The following FGGY variants were observed in gnomAD, a reference collection of about 807,000 sequenced individuals.
FGGY encodes the protein FGGY carbohydrate kinase domain containing, also known as FGGY carbohydrate kinase domain-containing protein.
In FGGY, 72 loss-of-function variants were observed where a neutral mutation model predicts 71.3. The observed-to-expected ratio is 1.01, with a 90% confidence interval of 0.84 to 1.23. FGGY has a LOEUF of 1.23. Ranked by LOEUF, FGGY falls within the 50% of genes most tolerant of loss-of-function variation. The pLI is 0.00. For synonymous variants in FGGY, 251 were observed against 250.3 expected, an observed-to-expected ratio of 1.00 and a Z score of -0.02; for missense variants, 668 against 682.3, an observed-to-expected ratio of 0.98 and a Z score of 0.23.
chr1:59,434,186 A>T (rs2067952671), intron 5 of FGGY, among the ~76,000 whole-genome samples: 1 of 152,196 alleles, frequency 6.6e-6, no homozygotes, highest in South Asian at 2.1e-4. Flanking sequence ...GTTCATGGGC[A>T]CCAAATTGTA....
intron 14 of FGGY, among the ~76,000 whole-genome samples, chr1:59,750,217 C>G (rs1045691800): frequency 5.9e-5 from 9 of 152,166 alleles, no homozygotes; most frequent in Non-Finnish European, 1.0e-4. Context: ...AATTATAAAG[C>G]TTCCACTCCT....
At chr1:59,439,611 T>C (rs2069276100) in intron 5 of FGGY, among the ~76,000 whole-genome samples, 1 of 152,162 alleles carries the variant, frequency 6.6e-6, no homozygotes, top group African/African-American at 2.4e-5. Context: ...GCCCTACAAG[T>C]TAGGCAGCTT....
intron 5 of FGGY, among the ~76,000 whole-genome samples, chr1:59,381,153 C>G (rs373975531): frequency 7.2e-5 from 11 of 152,162 alleles, no homozygotes; most frequent in African/African-American, 1.7e-4. Context: ...TGGTCTATAT[C>G]TCTGTTTTGG....
At chr1:59,674,723 A>G (rs1572998647) in intron 14 of FGGY, among the ~76,000 whole-genome samples, 1 of 152,234 alleles carries the variant, frequency 6.6e-6, no homozygotes, top group South Asian at 2.1e-4. Context: ...ACTTTCAAAA[A>G]GAGGAAACAT....
intron 2 of FGGY, among the ~76,000 whole-genome samples, chr1:59,333,513 A>T (rs971488398): frequency 6.6e-6 from 1 of 152,182 alleles, no homozygotes; most frequent in Admixed American, 6.5e-5. Context: ...TGACTTCACA[A>T]AGTTATATAA....
intron 8 of FGGY, among the ~76,000 whole-genome samples, chr1:59,568,714 G>C (rs2095924686): frequency 2.0e-5 from 3 of 151,886 alleles, no homozygotes; most frequent in African/African-American, 2.4e-5. Flanking sequence ...GACTCCTCTG[G>C]GCCTTCACAG....
intron 6 of FGGY, among the ~76,000 whole-genome samples, chr1:59,464,152 C>A (rs2092451772): frequency 6.6e-6 from 1 of 152,178 alleles, no homozygotes. Context: ...GAACAGAAAT[C>A]ACAACAAACT....
At chr1:59,483,727 A>G (rs540580159) in intron 6 of FGGY, among the ~76,000 whole-genome samples, 1 of 152,272 alleles carries the variant, frequency 6.6e-6, no homozygotes, top group African/African-American at 2.4e-5. Context: ...TTTTTAGCCT[A>G]TGGTGACAGT....
At chr1:59,756,872 G>C (rs911395448) in intron 14 of FGGY, among the ~76,000 whole-genome samples, 1 of 151,276 alleles carries the variant, frequency 6.6e-6, no homozygotes, top group African/African-American at 2.4e-5. Context: ...ATACCCAGGG[G>C]CTCTCATATT....
rs59291334 is a variant in FGGY, at chr1:59,603,615, C to T, written c.904-4188C>T. Among the ~76,000 whole-genome samples the T allele has an allele frequency of 6.8e-3, 1,030 of 152,324 alleles. 8 individuals carry two copies. The highest frequency in any genetic ancestry group is 0.023 in the African/African-American group (957 of 41,578). On this transcript the variant is annotated intron_variant, in intron 8 of 15. Transcript: ENST00000303721. ...ACTGAGGCTCAGAAAGGCTACCTTA[C>T]GTAAGATCGCCTAGCTGAGAATTGG... is the stretch of plus-strand genomic sequence containing the variant.
intron 4 of FGGY, among the ~76,000 whole-genome samples, chr1:59,351,713 T>C (rs1361088619): frequency 6.6e-6 from 1 of 152,190 alleles, no homozygotes; most frequent in Non-Finnish European, 1.5e-5. Context: ...CACTGTGAGA[T>C]GGCAGGAGAT....
intron 5 of FGGY, among the ~76,000 whole-genome samples, chr1:59,412,541 G>T (rs2063755606): frequency 6.6e-6 from 1 of 151,728 alleles, no homozygotes; most frequent in South Asian, 2.1e-4. Context: ...CTCTTCCTTG[G>T]GTCTGCTGTC....
intron 2 of FGGY, among the ~76,000 whole-genome samples, chr1:59,331,691 A>G (rs1006386025): frequency 3.9e-5 from 6 of 152,196 alleles, no homozygotes; most frequent in African/African-American, 1.2e-4. Context: ...GTAATCTCCA[A>G]AAGAGCAAGG....
chr1:59,651,443 G>A (rs2097159728), intron 11 of FGGY, among the ~76,000 whole-genome samples: 1 of 147,906 alleles, frequency 6.8e-6, no homozygotes, highest in African/African-American at 2.6e-5. Context: ...CTCCTGTATT[G>A]GGTGCATATA....
intron 3 of FGGY, among the ~76,000 whole-genome samples, chr1:59,341,529 CTCT>C (rs2050696463): frequency 6.6e-6 from 1 of 152,136 alleles, no homozygotes; most frequent in Non-Finnish European, 1.5e-5. Context: ...ACTTTTTTCC[CTCT>C]TCTTGCGACA....
chr1:59,387,518 T>C (rs1308018307), intron 5 of FGGY, among the ~76,000 whole-genome samples: 1 of 152,220 alleles, frequency 6.6e-6, no homozygotes, highest in Non-Finnish European at 1.5e-5. Flanking sequence ...ATTTCAATGA[T>C]GTTTATGTCA....
intron 4 of FGGY, among the ~76,000 whole-genome samples, chr1:59,370,258 G>A (rs1275291971): frequency 2.6e-5 from 4 of 152,200 alleles, no homozygotes; most frequent in Non-Finnish European, 5.9e-5. Context: ...CGAGAACCAC[G>A]TGAAGAATGC....
intron 2 of FGGY, among the ~76,000 whole-genome samples, chr1:59,338,684 AT>A: frequency 6.6e-6 from 1 of 152,254 alleles, no homozygotes; most frequent in Middle Eastern, 3.4e-3. Flanking sequence ...TTTAAAAAAA[AT>A]CTGTATAGTA....
intron 5 of FGGY, among the ~76,000 whole-genome samples, chr1:59,412,011 A>G: frequency 6.6e-6 from 1 of 152,194 alleles, no homozygotes; most frequent in East Asian, 1.9e-4. Flanking sequence ...GTCATTGCTA[A>G]AGCAGTAGAT....
Sources: allele counts gnomAD v4.1 joint callset (sites outside exome capture counted in the v4.1 genomes callset), GRCh38; gene constraint gnomAD v4.1.1; transcripts MANE v1.5; gene names NCBI Gene and HGNC (gene_info 2026-07-23, HGNC 2026-07-21).